The following ZNF394 variants were observed in gnomAD, a reference collection of about 807,000 sequenced individuals.
The protein encoded by ZNF394 is zinc finger protein 99.
In ZNF394, 19 loss-of-function variants were observed where a neutral mutation model predicts 21.8. The ratio of observed to expected loss-of-function variants is 0.87; its 90% confidence interval spans 0.61 to 1.28. The LOEUF is 1.28. Ranked by LOEUF, ZNF394 falls within the 50% of genes most tolerant of loss-of-function variation. ZNF394 has a pLI of 0.00. For missense variants in ZNF394, 683 were observed against 708.6 expected (o/e 0.96, Z 0.41); for synonymous variants, 294 against 273.3 (o/e 1.08, Z -0.75).
At chr7:99,494,811 T>G (rs542050390) in intron 2 of ZNF394, among the ~76,000 whole-genome samples, 180 bp from the exon 3 acceptor site, 18 of 152,298 alleles carry the variant, frequency 1.2e-4, no homozygotes, top group South Asian at 1.0e-3. Context: ...CTCAGTTCAC[T>G]GCAACCTCTG....
chr7:99,487,045 C>T, intron 1 of ZNF394: 1 of 1,614,020 alleles, frequency 6.2e-7, no homozygotes, highest in Non-Finnish European at 8.5e-7. Context: ...TAAGAGGATT[C>T]ACACCAAAGA....
chr7:99,493,567 T>C lies in ZNF394; in HGVS notation c.1648A>G (p.Lys550Glu). ...CCACCACGCCCAGCCGACAGCACTTTATTTTGATGAATTCTTTGGTGTCGG... is the reference window on the plus strand; with the variant it reads ...CCACCACGCCCAGCCGACAGCACTTCATTTTGATGAATTCTTTGGTGTCGG... ...LIRHQRIHQN[K>E]VLSAGRGGSR... The change falls in exon 3 of 3, where the codon AAA (lysine) becomes GAA (glutamate). Residue 550 changes from lysine (K) to glutamate (E), a missense_variant. Physicochemically the swap from Lys to Glu is moderately conservative, Grantham distance 56. Coordinates refer to ENST00000337673, the MANE Select transcript of ZNF394 (RefSeq NM_032164.4). The C allele has an allele frequency of 6.2e-7, 1 of 1,613,384 alleles. No individual in the cohort carries two copies. The highest frequency in any genetic ancestry group is 2.2e-5 in the East Asian group (1 of 44,884).
chr7:99,490,269 A>G (rs1242082588), downstream of ZNF394, among the ~76,000 whole-genome samples: 3 of 146,188 alleles, frequency 2.1e-5, no homozygotes, highest in Non-Finnish European at 3.0e-5. Context: ...ATTCTCCTGC[A>G]TCAGCCTCCT....
In ZNF394 at chr7:99,494,999, T is replaced by C. The variant is rs535708538; in HGVS notation, c.584-368A>G. The stretch of plus-strand genomic sequence containing the variant: ...CCGCTCGCCTCAGCCTCCCTATTTA[T>C]TTATTTTGAGACAGAGTATTACTCT... On this transcript the variant is annotated intron_variant, in intron 2 of 2. Coordinates refer to ENST00000337673, the MANE Select transcript of ZNF394 (RefSeq NM_032164.4). 3.9e-5 allele frequency among the ~76,000 whole-genome samples: 6 copies of C among 151,982 alleles called. No homozygotes were observed. The East Asian group carries it at 1.2e-3, about 29-fold the overall frequency.
chr7:99,494,270 G>T lies in ZNF394; in HGVS notation c.945C>A (p.Asn315Lys). 1.2e-6 allele frequency: 2 copies of T among 1,614,228 alleles called. No homozygotes were observed. The part of the protein sequence containing the change: ...ERPTDSEEHG[N>K]KCKQSFHMVT... ...CCATGTGGAAACTTTGCTTGCACTT[G>T]TTCCCGTGTTCCTCACTGTCAGTGG... is the stretch of plus-strand genomic sequence containing the variant. The change falls in exon 3 of 3, where the codon AAC (asparagine) becomes AAA (lysine). Residue 315 changes from asparagine (N) to lysine (K), a missense_variant. Physicochemically the swap from Asn to Lys is moderately conservative, Grantham distance 94. This residue lies in a region of ZNF394 where 274 missense variants were observed against 314.1 expected (regional missense o/e 0.87). Coordinates refer to ENST00000337673, the MANE Select transcript of ZNF394 (RefSeq NM_032164.4).
chr7:99,487,786 G>A (rs1439641782), intron 1 of ZNF394, among the ~76,000 whole-genome samples: 5 of 150,976 alleles, frequency 3.3e-5, no homozygotes, highest in African/African-American at 4.8e-5. Context: ...AAAAAAAAAA[G>A]AAAGGGCTGG....
At chr7:99,491,235 A>G (rs561335980), downstream of ZNF394, among the ~76,000 whole-genome samples, 3 of 152,208 alleles carry the variant, frequency 2.0e-5, no homozygotes, top group Non-Finnish European at 2.9e-5. Flanking sequence ...TCACTTCTGC[A>G]AGAAATACTC....
downstream of ZNF394, among the ~76,000 whole-genome samples, chr7:99,491,078 T>C (rs1800152145): frequency 6.6e-6 from 1 of 152,086 alleles, no homozygotes; most frequent in Non-Finnish European, 1.5e-5. Context: ...CCAGCTCACC[T>C]ACATCAGGGA....
chr7:99,486,981 C>T (rs760976320), intron 1 of ZNF394: 23 of 1,614,046 alleles, frequency 1.4e-5, no homozygotes, highest in Non-Finnish European at 1.9e-5. Flanking sequence ...ACAAGCCATA[C>T]AGATGTCATG....
chr7:99,488,492 A>C (rs1584579781), downstream of ZNF394, among the ~76,000 whole-genome samples: 1 of 149,006 alleles, frequency 6.7e-6, no homozygotes. Context: ...ACAGAGTGAG[A>C]CTCCATCTCA....
intron 1 of ZNF394, chr7:99,487,125 G>A: frequency 6.2e-7 from 1 of 1,614,144 alleles, no homozygotes; most frequent in Non-Finnish European, 8.5e-7. Flanking sequence ...GACATCAGGT[G>A]ATCCATAGTG....
downstream of ZNF394, among the ~76,000 whole-genome samples, chr7:99,492,432 G>C (rs897561627): frequency 7.2e-5 from 11 of 151,896 alleles, no homozygotes; most frequent in Non-Finnish European, 1.6e-4. Context: ...CTGAGCTTAG[G>C]AGTTCACCAC....
intron 2 of ZNF394, among the ~76,000 whole-genome samples, chr7:99,496,604 C>T (rs923154878): frequency 6.6e-6 from 1 of 151,828 alleles, no homozygotes; most frequent in Non-Finnish European, 1.5e-5. Flanking sequence ...CTAGTAGAGA[C>T]GGTGTTTCAC....
chr7:99,500,188 C>T lies in ZNF394; in HGVS notation c.-95G>A. On this transcript the variant is annotated 5_prime_UTR_variant, in exon 1 of 3. Coordinates refer to ENST00000337673, the MANE Select transcript of ZNF394 (RefSeq NM_032164.4). ...TCATCAGCCGTCAACACCCTCCGGTCCCAAACACCGGGCCCCACCACACCA... is the reference window on the plus strand; with the variant it reads ...TCATCAGCCGTCAACACCCTCCGGTTCCAAACACCGGGCCCCACCACACCA... 1 of 1,294,302 alleles carries T rather than the reference C, an allele frequency of 7.7e-7. No homozygotes were observed. Among genetic ancestry groups the T allele is most frequent in the Non-Finnish European group, 1.0e-6 (1 of 963,602 alleles). 80.2% of individuals were successfully genotyped at this position (1,294,302 alleles called of 1,614,324 possible).
exon 2 of ZNF394, chr7:99,486,671 T>C (rs769478005): frequency 1.9e-6 from 3 of 1,614,202 alleles, no homozygotes; most frequent in Non-Finnish European, 1.7e-6. Flanking sequence ...AGCAGGGGCT[T>C]CCTTCAAAAC....
At chr7:99,496,458 G>A (rs533593762) in intron 2 of ZNF394, among the ~76,000 whole-genome samples, 7 of 152,266 alleles carry the variant, frequency 4.6e-5, no homozygotes, top group East Asian at 1.9e-4. Context: ...AGGAGGCAGC[G>A]GGGCCTGGCA....
downstream of ZNF394, among the ~76,000 whole-genome samples, chr7:99,492,440 C>CAG (rs1475493714): frequency 1.8e-4 from 27 of 151,160 alleles, no homozygotes; most frequent in Non-Finnish European, 2.8e-4. Flanking sequence ...AGGAGTTCAC[C>CAG]ACCAGCCTAG....
At chr7:99,490,908 C>G (rs1800148132), downstream of ZNF394, among the ~76,000 whole-genome samples, 2 of 152,020 alleles carry the variant, frequency 1.3e-5, no homozygotes, top group Non-Finnish European at 2.9e-5. Context: ...TCTTCAGTTT[C>G]CAAACAGTTC....
In ZNF394 at chr7:99,487,489, T is replaced by C. The variant is rs1800034555; in HGVS notation, n.84-526A>G. The C allele has an allele frequency of 2.5e-6, 4 of 1,604,370 alleles. No individual in the cohort carries two copies. In the African/African-American group the frequency reaches 5.4e-5, roughly 22 times the overall value. The stretch of plus-strand genomic sequence containing the variant: ...TCACAAAGGACAGATATCCACATGA[T>C]GTTAATTGGAAAGCAGTCATTGGAG... On this transcript the variant is annotated intron_variant and non_coding_transcript_variant, in intron 1 of 1. Transcript: ENST00000462024.
Sources: allele counts gnomAD v4.1 joint callset (sites outside exome capture counted in the v4.1 genomes callset), GRCh38; gene constraint gnomAD v4.1.1; regional missense constraint gnomAD v4.1.1; transcripts MANE v1.5; gene names NCBI Gene and HGNC (gene_info 2026-07-23, HGNC 2026-07-21).